The following ELOVL6 variants were observed in gnomAD, a reference collection of about 807,000 sequenced individuals.
ELOVL6 encodes very long chain fatty acid elongase 6.
ELOVL6 carries 8 observed loss-of-function variants against 31.7 expected under a neutral mutation model. The ratio of observed to expected loss-of-function variants is 0.25; its 90% CI spans 0.15 to 0.45. ELOVL6 has a LOEUF of 0.45. Among genes scored for constraint, ELOVL6 ranks in the 20% least tolerant of loss-of-function variants. The probability of loss-of-function intolerance (pLI) is 1.00; values close to 1 mark genes in which losing one functional copy is unlikely to be tolerated. For synonymous variants in ELOVL6, 101 were observed against 117.7 expected, an observed-to-expected ratio of 0.86 and a Z score of 0.92; for missense variants, 126 against 326.4, an observed-to-expected ratio of 0.39 and a Z score of 4.73.
At chr4:110,113,766 C>T (rs889006719) in intron 1 of ELOVL6, among the ~76,000 whole-genome samples, 1 of 152,032 alleles carries the variant, frequency 6.6e-6, no homozygotes, top group Non-Finnish European at 1.5e-5. Context: ...AAACAAAACT[C>T]TTGTGGCCAT....
intron 1 of ELOVL6, among the ~76,000 whole-genome samples, chr4:110,171,186 TC>T (rs1307390653): frequency 6.6e-6 from 1 of 152,120 alleles, no homozygotes; most frequent in Non-Finnish European, 1.5e-5. Flanking sequence ...GGCAGGCAGA[TC>T]ACCGGAGGTC....
chr4:110,166,448 C>T (rs1485658854), intron 1 of ELOVL6, among the ~76,000 whole-genome samples: 1 of 152,072 alleles, frequency 6.6e-6, no homozygotes, highest in African/African-American at 2.4e-5. Flanking sequence ...CCCATCTCTA[C>T]TAAAAATATA....
chr4:110,182,036 T>A (rs1420727994), intron 1 of ELOVL6, among the ~76,000 whole-genome samples: 1 of 152,188 alleles, frequency 6.6e-6, no homozygotes, highest in African/African-American at 2.4e-5. Flanking sequence ...TGCCACAAGG[T>A]CCCTGAGCCA....
intron 1 of ELOVL6, among the ~76,000 whole-genome samples, chr4:110,152,703 A>AT (rs1758310108): frequency 6.6e-6 from 1 of 152,216 alleles, no homozygotes; most frequent in Non-Finnish European, 1.5e-5. Context: ...CTGCTGGTTC[A>AT]CATACACAGA....
intron 1 of ELOVL6, among the ~76,000 whole-genome samples, chr4:110,128,048 A>C (rs2126256319): frequency 6.6e-6 from 1 of 152,190 alleles, no homozygotes; most frequent in Admixed American, 6.5e-5. Context: ...TCTCAAAAAA[A>C]AAAAAAAAGT....
At chr4:110,073,144 A>T (rs1755538318) in intron 2 of ELOVL6, among the ~76,000 whole-genome samples, 1 of 152,118 alleles carries the variant, frequency 6.6e-6, no homozygotes. Context: ...TAATGATACA[A>T]TTCTGGTAAT....
chr4:110,100,588 G>T (rs1467083131), intron 2 of ELOVL6, among the ~76,000 whole-genome samples: 2 of 152,110 alleles, frequency 1.3e-5, no homozygotes, highest in Non-Finnish European at 2.9e-5. Context: ...AAGCATAACT[G>T]GGTCCCTGGC....
chr4:110,196,380 G>A (rs1759783639), intron 1 of ELOVL6, among the ~76,000 whole-genome samples: 1 of 152,208 alleles, frequency 6.6e-6, no homozygotes, highest in African/African-American at 2.4e-5. Context: ...CGGGCCCGGG[G>A]CTAGCCAGCA....
chr4:110,072,681 G>A (rs1473553976), intron 2 of ELOVL6, among the ~76,000 whole-genome samples: 1 of 152,128 alleles, frequency 6.6e-6, no homozygotes, highest in Non-Finnish European at 1.5e-5. Context: ...GAAAAACCCT[G>A]GGAGCACTTT....
chr4:110,175,551 G>T (rs1759078616), intron 1 of ELOVL6, among the ~76,000 whole-genome samples: 4 of 152,100 alleles, frequency 2.6e-5, no homozygotes, highest in Admixed American at 2.6e-4. Context: ...AACATATACA[G>T]CATCAGTGAA....
chr4:110,079,946 G>A lies in ELOVL6; in HGVS notation c.222-20192C>T, dbSNP rs185032383. Reference sequence around the variant, plus strand: ...CCCACAGAAATACAAACTACCATCAGAGAATGCTATAAACACCTCCACACA... The same window carrying A: ...CCCACAGAAATACAAACTACCATCAAAGAATGCTATAAACACCTCCACACA... On this transcript the variant is annotated intron_variant, in intron 2 of 3. Transcript: ENST00000302274. Among the ~76,000 whole-genome samples, 118 of 152,274 alleles carry A rather than the reference G, an allele frequency of 7.7e-4. 2 individuals are homozygous for A. In the East Asian group the frequency reaches 0.019, roughly 25 times the overall value.
At position 110,048,800 on chromosome 4, in the gene ELOVL6, A is replaced by T. The variant is rs1249888282; in HGVS notation, c.*2538T>A. ...TAGCTAATTTTAAAACTATTAAGACATTCACCCTGTAAACAAAAATTCCAA... is the reference window on the plus strand; with the variant it reads ...TAGCTAATTTTAAAACTATTAAGACTTTCACCCTGTAAACAAAAATTCCAA... On this transcript the variant is annotated 3_prime_UTR_variant, in exon 4 of 4. Coordinates refer to ENST00000302274, the MANE Select transcript of ELOVL6 (RefSeq NM_024090.3). The T allele has an allele frequency of 6.6e-6, 1 of 152,246 alleles. No individual in the cohort carries two copies. The highest frequency in any genetic ancestry group is 1.5e-5 in the Non-Finnish European group (1 of 68,040). 9.4% of individuals were successfully genotyped at this position (152,246 alleles called of 1,614,324 possible). A position where few individuals can be genotyped will look rare whatever the true frequency, so the allele number is the denominator to read the frequency against.
At chr4:110,084,554 A>ATATATATTTT (rs1421060434) in intron 2 of ELOVL6, among the ~76,000 whole-genome samples, 3 of 69,996 alleles carry the variant, frequency 4.3e-5, no homozygotes, top group African/African-American at 2.9e-4. Context: ...ACACACACAC[A>ATATATATTTT]CACACACAGA....
intron 1 of ELOVL6, among the ~76,000 whole-genome samples, chr4:110,182,870 T>G (rs1759330523): frequency 6.6e-6 from 1 of 151,924 alleles, no homozygotes. Flanking sequence ...ATTGCGCCAT[T>G]GCACTCCAGC....
At chr4:110,084,552 ACACACAC>A (rs1560815719) in intron 2 of ELOVL6, among the ~76,000 whole-genome samples, 4 of 71,944 alleles carry the variant, frequency 5.6e-5, no homozygotes, top group African/African-American at 3.5e-4. Context: ...ACACACACAC[ACACACAC>A]ACAGATATAT....
chr4:110,057,802 G>T (rs1391558568), intron 3 of ELOVL6, among the ~76,000 whole-genome samples: 1 of 145,140 alleles, frequency 6.9e-6, no homozygotes, highest in Non-Finnish European at 1.5e-5. Flanking sequence ...AGTGAGCCGA[G>T]ATCGCGCCAC....
At chr4:110,141,439 C>A (rs922411886) in intron 1 of ELOVL6, among the ~76,000 whole-genome samples, 5 of 151,942 alleles carry the variant, frequency 3.3e-5, no homozygotes, top group Non-Finnish European at 7.4e-5. Flanking sequence ...CTACAATGCA[C>A]CTGAAAAATG....
chr4:110,167,321 T>C (rs926812557), intron 1 of ELOVL6, among the ~76,000 whole-genome samples: 1 of 150,798 alleles, frequency 6.6e-6, no homozygotes, highest in Non-Finnish European at 1.5e-5. Context: ...CTTAACCTTA[T>C]ACTAACTGTA....
intron 2 of ELOVL6, among the ~76,000 whole-genome samples, chr4:110,075,641 C>T (rs1215529081): frequency 6.6e-6 from 1 of 152,096 alleles, no homozygotes; most frequent in Admixed American, 6.6e-5. Flanking sequence ...TTAATGGGTA[C>T]AGTTTCAGTT....
Sources: allele counts gnomAD v4.1 joint callset (sites outside exome capture counted in the v4.1 genomes callset), GRCh38; gene constraint gnomAD v4.1.1; transcripts MANE v1.5; gene names NCBI Gene and HGNC (gene_info 2026-07-23, HGNC 2026-07-21).